The following KLHL6 variants were observed in gnomAD, a reference collection of about 807,000 sequenced individuals.
KLHL6 encodes kelch like family member 6, also known as kelch-like protein 6.
Under a neutral mutation model 58.6 loss-of-function variants are expected in KLHL6, and 41 were observed. The observed-to-expected ratio is 0.70, with a 90% confidence interval of 0.55 to 0.91. The LOEUF is 0.91. KLHL6 is among the 40% of genes least tolerant of loss of function. KLHL6 has a pLI of 0.00. For synonymous variants in KLHL6, 338 were observed against 322.7 expected, an observed-to-expected ratio of 1.05 and a Z score of -0.51; for missense variants, 714 against 805.6, an observed-to-expected ratio of 0.89 and a Z score of 1.38.
At position 183,494,116 on chromosome 3, in the gene KLHL6, A is replaced by G. The variant is rs1717646794; in HGVS notation, c.1313T>C (p.Val438Ala). The G allele has an allele frequency of 1.2e-6, 2 of 1,614,194 alleles. No homozygotes were observed. The highest frequency in any genetic ancestry group is 1.1e-5 in the South Asian group (1 of 91,080). ...GFDGLQRINN[V>A]ETYDPFHNCW... is the part of the protein sequence containing the mutation. ...GTTGTGAAAGGGGTCGTAGGTCTCC[A>G]CATTGTTGATTCTCTGTAAGCCGTC... The change falls in exon 5 of 7, where the codon GTG (valine) becomes GCG (alanine). Residue 438 changes from valine (V) to alanine (A), a missense_variant. Physicochemically the swap from Val to Ala is moderately conservative, Grantham distance 64. Transcript: ENST00000341319.
At position 183,543,298 on chromosome 3, in the gene KLHL6, A is replaced by AT. The variant is rs1712615203; in HGVS notation, c.293+12062_293+12063insA. ...CGAAACTCCATTTCAAAAAAAAAAA[A>AT]AAGAGAGAGAGAGAGATAATACTAT... On this transcript the variant is annotated intron_variant, in intron 1 of 6. Transcript: ENST00000341319. Among the ~76,000 whole-genome samples the AT allele has an allele frequency of 4.6e-5, 7 of 152,064 alleles. No homozygotes were observed. The South Asian group carries it at 1.5e-3, about 32-fold the overall frequency.
intron 1 of KLHL6, 84 bp from the exon 2 acceptor site, chr3:183,528,094 C>G: frequency 1.4e-6 from 2 of 1,480,062 alleles, no homozygotes; most frequent in Non-Finnish European, 1.9e-6. Flanking sequence ...CTCATCAGGC[C>G]CTCACAGAAC....
At chr3:183,500,779 A>G (rs905757576) in intron 3 of KLHL6, among the ~76,000 whole-genome samples, 6 of 152,142 alleles carry the variant, frequency 3.9e-5, no homozygotes, top group Admixed American at 2.0e-4. Context: ...CAAGGCGGAG[A>G]GGCAGCAACC....
intron 2 of KLHL6, among the ~76,000 whole-genome samples, chr3:183,525,914 A>T (rs944993113): frequency 6.6e-6 from 1 of 152,234 alleles, no homozygotes; most frequent in African/African-American, 2.4e-5. Context: ...ATATGCATGG[A>T]ATATGAAGAA....
At chr3:183,502,954 G>A (rs1041223171) in intron 3 of KLHL6, among the ~76,000 whole-genome samples, 3 of 152,214 alleles carry the variant, frequency 2.0e-5, no homozygotes, top group African/African-American at 7.2e-5. Flanking sequence ...GCACCACGGA[G>A]CTGCCGAGTG....
intron 1 of KLHL6, among the ~76,000 whole-genome samples, chr3:183,546,901 T>C (rs983715801): frequency 1.4e-5 from 2 of 139,828 alleles, no homozygotes; most frequent in Non-Finnish European, 1.5e-5. Context: ...GAAACCCCAG[T>C]GCCATAAGTC....
chr3:183,516,519 C>T (rs1032113859), intron 2 of KLHL6, among the ~76,000 whole-genome samples: 2 of 152,188 alleles, frequency 1.3e-5, no homozygotes, highest in Non-Finnish European at 2.9e-5. Flanking sequence ...ACTAAAAATA[C>T]AATCAAAGAA....
Position 183,499,107 on chromosome 3 carries a change from C to T in KLHL6, c.1147+483G>A, listed in dbSNP as rs191034118. On this transcript the variant is annotated intron_variant, in intron 4 of 6. Transcript: ENST00000341319. This position sits in a 1 kb window ranked among gnomAD's most constrained non-coding sequence, Gnocchi z 4.6. ...CTGTAATCCCAGCACTTTGGGAGGC[C>T]GAAGCTGGTGCATCACCTATGGTCA... Among the ~76,000 whole-genome samples the T allele has an allele frequency of 1.3e-5, 2 of 152,222 alleles. No homozygotes were observed. Among genetic ancestry groups the T allele is most frequent in the East Asian group, 3.9e-4 (2 of 5,182 alleles).
At chr3:183,527,783 T>G in intron 2 of KLHL6, 62 bp downstream of exon 2, 1 of 1,519,664 alleles carries the variant, frequency 6.6e-7, no homozygotes, top group Non-Finnish European at 9.1e-7. Context: ...AGGTCTGGCC[T>G]CTGGAGAATT....
chr3:183,510,592 A>T (rs963363391), intron 2 of KLHL6, among the ~76,000 whole-genome samples: 3 of 152,100 alleles, frequency 2.0e-5, no homozygotes, highest in Non-Finnish European at 4.4e-5. Flanking sequence ...AGCATTTTTT[A>T]GGCCGGGCGC....
At chr3:183,552,109 C>T (rs921155112) in intron 1 of KLHL6, 1 of 152,062 alleles carries the variant, frequency 6.6e-6, no homozygotes, top group Admixed American at 6.6e-5. Flanking sequence ...CGTGGGGGAA[C>T]GCAACATGAT....
At chr3:183,507,592 C>T (rs1718045902) in intron 3 of KLHL6, among the ~76,000 whole-genome samples, 1 of 151,948 alleles carries the variant, frequency 6.6e-6, no homozygotes, top group Non-Finnish European at 1.5e-5. Flanking sequence ...CCACCATGCC[C>T]ACCTAATTTT....
chr3:183,500,067 G>C (rs1351137624), intron 3 of KLHL6, among the ~76,000 whole-genome samples: 1 of 152,156 alleles, frequency 6.6e-6, no homozygotes, highest in African/African-American at 2.4e-5. Flanking sequence ...CCAGGACCTG[G>C]TGCATAACAG....
intron 1 of KLHL6, among the ~76,000 whole-genome samples, chr3:183,536,807 C>A (rs367685648): frequency 6.6e-6 from 1 of 152,158 alleles, no homozygotes; most frequent in African/African-American, 2.4e-5. Context: ...AGCATTTGGC[C>A]GGGTGCGTAT....
chr3:183,498,930 A>G (rs1390830494), intron 4 of KLHL6, among the ~76,000 whole-genome samples: 1 of 152,244 alleles, frequency 6.6e-6, no homozygotes, highest in Admixed American at 6.5e-5. Flanking sequence ...CTGAATTCCC[A>G]CTGCGTAGCT....
chr3:183,522,017 T>C (rs1442405951), intron 2 of KLHL6, among the ~76,000 whole-genome samples: 1 of 145,420 alleles, frequency 6.9e-6, no homozygotes, highest in Non-Finnish European at 1.5e-5. Context: ...CTTTAAACAA[T>C]GTAGTTCAGG....
In KLHL6 at chr3:183,499,882, G is replaced by A. The variant is rs565419311; in HGVS notation, c.910-55C>T. On this transcript the variant is annotated intron_variant, in intron 3 of 6. Coordinates refer to ENST00000341319, the MANE Select transcript of KLHL6 (RefSeq NM_130446.4). The surrounding 1 kb of genome is among the most constrained non-coding windows in gnomAD (Gnocchi z 4.6). Reference sequence around the variant, plus strand: ...GGGACAACACAAAGTTTCAGAGCTCGGGCTATGGAGCCATTAGGAGTCGGG... The same window carrying A: ...GGGACAACACAAAGTTTCAGAGCTCAGGCTATGGAGCCATTAGGAGTCGGG... 1.1e-5 allele frequency: 15 copies of A among 1,375,414 alleles called. No individual in the cohort carries two copies. In the South Asian group the frequency reaches 1.3e-4, roughly 12 times the overall value. 85.2% of individuals were successfully genotyped at this position (1,375,414 alleles called of 1,614,324 possible). A position where few individuals can be genotyped will look rare whatever the true frequency, so the allele number is the denominator to read the frequency against.
rs200602982 is a variant in KLHL6 at position 183,508,202 on chromosome 3, A to T, written c.766T>A (p.Tyr256Asn). The T allele has an allele frequency of 1.4e-4, 233 of 1,614,052 alleles. 1 individual carries two copies. Among genetic ancestry groups the T allele is most frequent in the Non-Finnish European group, 4.1e-5 (48 of 1,180,044 alleles). The change falls in exon 3 of 7, where the codon TAT becomes AAT. Residue 256 changes from tyrosine (Y) to asparagine (N), a missense_variant. Transcript: ENST00000341319. ...KPSERLCLLP[Y>N]VLENVRLPLL... ...GGTAAGCGCACGTTCTCGAGGACAT[A>T]GGGGAGTAAGCAGAGTCGTTCTGAT... is the stretch of plus-strand genomic sequence containing the variant.
rs151143665 is a variant in KLHL6, at chr3:183,508,117, C to A, written c.851G>T (p.Cys284Phe). The change falls in exon 3 of 7, where the codon TGC becomes TTC. Residue 284 changes from cysteine (C) to phenylalanine (F), a missense_variant. Cys to Phe is a radical substitution (Grantham distance 205). Around this residue, in one of 2 missense-constraint regions of KLHL6, gnomAD observed 510 missense variants for 629.7 expected, o/e 0.81. Transcript: ENST00000341319. ...CTGGAGCAGCGGGAAGACCTCTGGG[C>A]ACTGCCTGATGAGAGGATCTGCTTC... ...TVEADPLIRQ[C>F]PEVFPLLQEA... 1 of 1,614,046 alleles carries A rather than the reference C, an allele frequency of 6.2e-7. No individual in the cohort carries two copies. Among genetic ancestry groups the A allele is most frequent in the Non-Finnish European group, 8.5e-7 (1 of 1,180,040 alleles).
Sources: allele counts gnomAD v4.1 joint callset (sites outside exome capture counted in the v4.1 genomes callset), GRCh38; gene constraint gnomAD v4.1.1; regional missense constraint gnomAD v4.1.1; non-coding constraint Gnocchi (gnomAD v3.1); transcripts MANE v1.5; gene names NCBI Gene and HGNC (gene_info 2026-07-23, HGNC 2026-07-21).